Variants in HYDIN observed in about 807,000 individuals in gnomAD.
HYDIN encodes axonemal central pair apparatus protein HYDIN.
In HYDIN, 132 loss-of-function variants were observed where a neutral mutation model predicts 403.9. The ratio of observed to expected loss-of-function variants is 0.33; its 90% CI spans 0.28 to 0.38. The LOEUF (loss-of-function observed/expected upper bound fraction) is 0.38, where lower values mean the gene tolerates loss of function less well. Ranked by LOEUF, HYDIN falls within the 10% of genes least tolerant of loss-of-function variation. HYDIN has a pLI of 1.00. For synonymous variants in HYDIN, 1,202 were observed against 1,891.7 expected (o/e 0.64, Z 9.46); for missense variants, 2,827 against 5,009.5 (o/e 0.56, Z 13.15).
chr16:71,216,667 T>C (rs1309406510), intron 1 of HYDIN, among the ~76,000 whole-genome samples: 1 of 152,184 alleles, frequency 6.6e-6, no homozygotes, highest in African/African-American at 2.4e-5. Context: ...CTAAGGAGAG[T>C]TCATTTTGAA....
intron 1 of HYDIN, among the ~76,000 whole-genome samples, chr16:71,216,022 C>T (rs939663378): frequency 3.3e-5 from 5 of 152,074 alleles, no homozygotes; most frequent in South Asian, 4.1e-4. Context: ...ACTTGCTGGT[C>T]GGGCTGTAAC....
chr16:70,987,184 GTC>G (rs1246307876), intron 27 of HYDIN, among the ~76,000 whole-genome samples: 1 of 149,438 alleles, frequency 6.7e-6, no homozygotes, highest in African/African-American at 2.4e-5. Context: ...TGTGCCCAAG[GTC>G]ATGCAGTCGG....
chr16:71,215,245 G>C (rs1016462265), intron 1 of HYDIN, among the ~76,000 whole-genome samples: 9 of 151,894 alleles, frequency 5.9e-5, no homozygotes, highest in African/African-American at 1.9e-4. Context: ...GAGAAATGGA[G>C]AAAGGAGGAA....
At chr16:71,048,868 G>A (rs1277935601) in intron 18 of HYDIN, among the ~76,000 whole-genome samples, 3 of 152,054 alleles carry the variant, frequency 2.0e-5, no homozygotes, top group African/African-American at 4.8e-5. Flanking sequence ...TGAATCTAAA[G>A]TAAAAGTTAA....
chr16:70,950,806 T>C (rs746736314), intron 41 of HYDIN, among the ~76,000 whole-genome samples: 3 of 152,198 alleles, frequency 2.0e-5, no homozygotes, highest in African/African-American at 2.4e-5. Flanking sequence ...ATTCCTTCTC[T>C]ACTGAGGCTG....
chr16:71,034,652 G>A (rs1347174494), intron 18 of HYDIN, among the ~76,000 whole-genome samples: 1 of 151,846 alleles, frequency 6.6e-6, no homozygotes, highest in African/African-American at 2.4e-5. Context: ...ATTTCTTCCT[G>A]GTTTGAAAAT....
At chr16:71,222,236 C>G (rs2040836559) in intron 1 of HYDIN, among the ~76,000 whole-genome samples, 1 of 152,020 alleles carries the variant, frequency 6.6e-6, no homozygotes, top group Non-Finnish European at 1.5e-5. Flanking sequence ...AAACAAAAAC[C>G]ATAGATTATC....
At chr16:70,828,223 TC>T in intron 82 of HYDIN, 42 bp downstream of exon 82, 1 of 569,140 alleles carries the variant, frequency 1.8e-6, no homozygotes, top group Admixed American at 3.2e-5. Context: ...GTGAAAGTCC[TC>T]CTTTCATCTC....
chr16:70,822,008 A>G lies in HYDIN; in HGVS notation c.14428-3436T>C, dbSNP rs1307938792. On this transcript the variant is annotated intron_variant, in intron 83 of 85. Transcript: ENST00000393567. Reference sequence around the variant, plus strand: ...TGTACAGGAGATGAATGTTGTTTTCATGCCTGCTAACACAACATCTACTCT... The same window carrying G: ...TGTACAGGAGATGAATGTTGTTTTCGTGCCTGCTAACACAACATCTACTCT... 2.0e-5 allele frequency among the ~76,000 whole-genome samples: 3 copies of G among 152,370 alleles called. No individual in the cohort carries two copies. In the East Asian group the frequency reaches 5.8e-4, roughly 29 times the overall value.
At chr16:71,048,067 C>A (rs1412128057) in intron 18 of HYDIN, among the ~76,000 whole-genome samples, 2 of 140,506 alleles carry the variant, frequency 1.4e-5, no homozygotes, top group Admixed American at 1.4e-4. Flanking sequence ...CTTTTAGCTC[C>A]CACATATGAG....
intron 50 of HYDIN, among the ~76,000 whole-genome samples, chr16:70,904,973 G>A (rs1363325406): frequency 1.3e-5 from 2 of 152,106 alleles, no homozygotes; most frequent in East Asian, 3.9e-4. Flanking sequence ...GCAGAGTTGA[G>A]CACTGGGGGC....
At chr16:70,818,808 A>C (rs1262214259) in intron 83 of HYDIN, among the ~76,000 whole-genome samples, 1 of 151,396 alleles carries the variant, frequency 6.6e-6, no homozygotes, top group African/African-American at 2.4e-5. Flanking sequence ...TTGCTTTAGA[A>C]GAGGCTAGAT....
At chr16:70,947,744 T>C (rs1307063260) in intron 41 of HYDIN, among the ~76,000 whole-genome samples, 1 of 152,142 alleles carries the variant, frequency 6.6e-6, no homozygotes, top group Non-Finnish European at 1.5e-5. Context: ...GAATCCACCT[T>C]ACAAGGGACG....
intron 36 of HYDIN, among the ~76,000 whole-genome samples, chr16:70,965,319 A>G (rs984456791): frequency 2.6e-5 from 4 of 151,852 alleles, no homozygotes; most frequent in Non-Finnish European, 5.9e-5. Flanking sequence ...GATCCAGGGG[A>G]AAAAAAGAGG....
chr16:71,088,239 G>T, intron 12 of HYDIN, 62 bp downstream of exon 12: 6 of 510,944 alleles, frequency 1.2e-5, no homozygotes. Flanking sequence ...TACTTAAAAA[G>T]CTAAAAAGGC....
At chr16:70,944,660 T>C (rs2077794421) in intron 41 of HYDIN, among the ~76,000 whole-genome samples, 2 of 152,228 alleles carry the variant, frequency 1.3e-5, no homozygotes, top group Admixed American at 6.5e-5. Flanking sequence ...ACGCAGGGCC[T>C]TGTAGCCCAT....
chr16:71,152,458 T>C (rs1465863041), intron 7 of HYDIN, among the ~76,000 whole-genome samples: 1 of 150,566 alleles, frequency 6.6e-6, no homozygotes, highest in Non-Finnish European at 1.5e-5. Context: ...GGTGCACCCA[T>C]CTCCTAAGCA....
intron 75 of HYDIN, among the ~76,000 whole-genome samples, chr16:70,845,770 G>A (rs144907372): frequency 0.072 from 9,749 of 136,230 alleles, 1,125 homozygotes; most frequent in South Asian, 0.15. Context: ...TTAGTCTTGG[G>A]AGAGTGTATG....
rs1028617149 is a variant in HYDIN, at chr16:71,106,316, CTTTG to C, written c.1327+9376_1327+9379del. On this transcript the variant is annotated intron_variant, in intron 10 of 85. Coordinates refer to ENST00000393567, the MANE Select transcript of HYDIN (RefSeq NM_001270974.2). The stretch of plus-strand genomic sequence containing the variant: ...TATTTCCCTGACTTGCATGCCCAGC[CTTTG>C]TTTATGTTTTTACGTGCTTCACAAA... 7.9e-5 allele frequency among the ~76,000 whole-genome samples: 12 copies of C among 152,236 alleles called. 1 individual carries two copies. The East Asian group carries it at 2.3e-3, about 29-fold the overall frequency.
Sources: allele counts gnomAD v4.1 joint callset (sites outside exome capture counted in the v4.1 genomes callset), GRCh38; gene constraint gnomAD v4.1.1; transcripts MANE v1.5; gene names NCBI Gene and HGNC (gene_info 2026-07-23, HGNC 2026-07-21).